Variants in SIGIRR observed in about 807,000 individuals in gnomAD.
SIGIRR encodes single Ig IL-1-related receptor.
A neutral mutation model predicts 45.6 loss-of-function variants in SIGIRR; 41 were observed. The observed-to-expected ratio is 0.90, with a 90% CI of 0.70 to 1.17. The LOEUF (loss-of-function observed/expected upper bound fraction) is 1.17, where lower values mean the gene tolerates loss of function less well. Among genes scored for constraint, SIGIRR ranks in the 50% most tolerant of loss-of-function variants. SIGIRR has a pLI of 0.00. For missense variants in SIGIRR, 599 were observed against 539.6 expected (o/e 1.11, Z -1.09); for synonymous variants, 298 against 239.0 (o/e 1.25, Z -2.28).
At chr11:415,226 G>GTGTGTC (rs1435783949), upstream of SIGIRR, among the ~76,000 whole-genome samples, 6 of 141,968 alleles carry the variant, frequency 4.2e-5, no homozygotes, top group Admixed American at 6.8e-5. This position sits in a 1 kb window ranked among gnomAD's most constrained non-coding sequence, Gnocchi z 6.6. Flanking sequence ...GTGTGTGTGT[G>GTGTGTC]TGTGTGTGTG....
chr11:408,974 G>T, intron 2 of SIGIRR, 81 bp from the exon 3 acceptor site: 5 of 1,304,234 alleles, frequency 3.8e-6, no homozygotes, highest in Non-Finnish European at 5.5e-6. Context: ...GGTGCAGGAA[G>T]AAATAAGGCC....
intron 1 of SIGIRR, 96 bp downstream of exon 1, chr11:414,727 C>T (rs1425587366): frequency 8.9e-6 from 7 of 790,700 alleles, no homozygotes; most frequent in Non-Finnish European, 1.1e-5. Context: ...CTCACACACA[C>T]ATGCACACAC....
upstream of SIGIRR, among the ~76,000 whole-genome samples, chr11:416,984 G>C (rs1167249462): frequency 1.3e-5 from 2 of 152,158 alleles, no homozygotes; most frequent in Non-Finnish European, 2.9e-5. The surrounding 1 kb of genome is among the most constrained non-coding windows in gnomAD (Gnocchi z 9.1). Context: ...ATCCAGGCTT[G>C]GGCGACCGAG....
chr11:410,192 C>A (rs1402742118), intron 1 of SIGIRR, among the ~76,000 whole-genome samples, 165 bp from the exon 2 acceptor site: 1 of 152,190 alleles, frequency 6.6e-6, no homozygotes, highest in Non-Finnish European at 1.5e-5. Flanking sequence ...GCCCCTCACA[C>A]GTGGCCAGAA....
chr11:407,364 C>CTTGGG, intron 6 of SIGIRR, 61 bp downstream of exon 6: 1 of 1,313,226 alleles, frequency 7.6e-7, no homozygotes, highest in Non-Finnish European at 1.0e-6. Context: ...TGGGACGGAG[C>CTTGGG]ATGGGGCGGG....
At chr11:409,361 C>T (rs2133628892) in intron 2 of SIGIRR, 1 of 296,638 alleles carries the variant, frequency 3.4e-6, no homozygotes, top group East Asian at 8.2e-5. Context: ...CCCAGTGTGC[C>T]AGCACCTTCC....
rs1847389742 is a variant in SIGIRR, at chr11:407,417, C to G, written c.625+8G>C. 2 of 1,538,636 alleles carry G rather than the reference C, an allele frequency of 1.3e-6. No homozygotes were observed. The highest frequency in any genetic ancestry group is 1.8e-6 in the Non-Finnish European group (2 of 1,142,260). Reference sequence around the variant, plus strand: ...GGTGGGCGGGGCACGGGGTGGGGCCCGGGATACCAGCGCGCGGCAGGAGGT... The same window carrying G: ...GGTGGGCGGGGCACGGGGTGGGGCCGGGGATACCAGCGCGCGGCAGGAGGT... On this transcript the variant is annotated splice_region_variant and intron_variant, in intron 6 of 9. Transcript: ENST00000431843.
intron 1 of SIGIRR, 36 bp from the exon 2 acceptor site, chr11:410,063 C>A: frequency 8.1e-7 from 1 of 1,238,038 alleles, no homozygotes; most frequent in Non-Finnish European, 1.0e-6. Flanking sequence ...TAAACAGGAA[C>A]AGGATGAGTT....
intron 1 of SIGIRR, among the ~76,000 whole-genome samples, chr11:413,089 G>T (rs1322071083): frequency 1.3e-5 from 2 of 152,138 alleles, no homozygotes; most frequent in Non-Finnish European, 2.9e-5. Flanking sequence ...TCCCCTCCCT[G>T]CTGCAGGGAC....
upstream of SIGIRR, among the ~76,000 whole-genome samples, chr11:416,993 A>T (rs1847904344): frequency 1.3e-5 from 2 of 152,022 alleles, no homozygotes; most frequent in South Asian, 4.1e-4. This position sits in a 1 kb window ranked among gnomAD's most constrained non-coding sequence, Gnocchi z 9.1. Flanking sequence ...TGGGCGACCG[A>T]GGTGGGATCC....
At chr11:412,677 A>G (rs552918162) in intron 1 of SIGIRR, among the ~76,000 whole-genome samples, 2 of 3,358 alleles carry the variant, frequency 6.0e-4, no homozygotes, top group Admixed American at 5.6e-3. Context: ...ATGTCTGGAT[A>G]CAGTCGGGGG....
intron 5 of SIGIRR, 120 bp downstream of exon 5, chr11:407,697 C>A (rs1435307469): frequency 6.4e-7 from 1 of 1,560,786 alleles, no homozygotes; most frequent in Non-Finnish European, 8.7e-7. Flanking sequence ...CCCAGCCGGG[C>A]CGCACAGAGC....
At chr11:410,786 G>A (rs1294316839) in intron 1 of SIGIRR, among the ~76,000 whole-genome samples, 1 of 67,724 alleles carries the variant, frequency 1.5e-5, no homozygotes, top group Non-Finnish European at 3.1e-5. Flanking sequence ...CAGTCGGGGG[G>A]GGGTGCCCAG....
chr11:405,765 C>A lies in SIGIRR; in HGVS notation c.*131G>T. On this transcript the variant is annotated 3_prime_UTR_variant, in exon 10 of 10. Transcript: ENST00000431843. ...CTGGCACTGGGAGGCGCCCTGAGGC[C>A]ACAGCCTTTTCCCAGGGCTGCTGGC... 1 of 1,182,148 alleles carries A rather than the reference C, an allele frequency of 8.5e-7. No homozygotes were observed. The highest frequency in any genetic ancestry group is 1.2e-6 in the Non-Finnish European group (1 of 859,834). The allele number at this position is 1,182,148 out of a possible 1,614,324, so 73.2% of individuals were successfully genotyped here. A position where few individuals can be genotyped will look rare whatever the true frequency, so the allele number is the denominator to read the frequency against.
chr11:407,733 G>T, intron 5 of SIGIRR, 84 bp downstream of exon 5: 1 of 1,586,586 alleles, frequency 6.3e-7, no homozygotes, highest in East Asian at 2.2e-5. Flanking sequence ...CCTCCCCGCC[G>T]CACGCCTCCA....
intron 6 of SIGIRR, 42 bp from the exon 7 acceptor site, chr11:407,206 G>GGGAGGGCGGGGCCGGA: frequency 1.1e-6 from 1 of 924,452 alleles, no homozygotes; most frequent in South Asian, 2.1e-5. Flanking sequence ...GCGGGGGCGG[G>GGGAGGGCGGGGCCGGA]GGAGGGCGGG....
chr11:412,905 T>A (rs1283257466), intron 1 of SIGIRR, among the ~76,000 whole-genome samples: 1 of 152,104 alleles, frequency 6.6e-6, no homozygotes, highest in African/African-American at 2.4e-5. Flanking sequence ...TCCCATGTCC[T>A]TTCCCAGCCC....
At chr11:406,177 C>T (rs926982530) in intron 9 of SIGIRR, 118 bp from the exon 10 acceptor site, 2 of 1,537,580 alleles carry the variant, frequency 1.3e-6, no homozygotes, top group East Asian at 2.4e-5. Context: ...CCAGGAAGTT[C>T]CCAGGCAGAC....
Position 405,854 on chromosome 11 carries a change from T to TGGCCCCCGCTGTCCC in SIGIRR, c.*27_*41dup, listed in dbSNP as rs764723416. 2.5e-5 allele frequency: 39 copies of TGGCCCCCGCTGTCCC among 1,548,210 alleles called. No homozygotes were observed. The highest frequency in any genetic ancestry group is 5.5e-5 in the African/African-American group (4 of 73,300). On this transcript the variant is annotated 3_prime_UTR_variant, in exon 10 of 10. Transcript: ENST00000431843. ...GAGCAGAGGAGCGACGCCGCTGCCC[T>TGGCCCCCGCTGTCCC]GGCCCCCGCTGTCCCTATGATCCTG...
Sources: gnomAD v4.1 joint callset for allele counts (sites outside exome capture counted in the v4.1 genomes callset) on GRCh38, gnomAD v4.1.1 for gene constraint, Gnocchi (gnomAD v3.1) non-coding constraint, MANE v1.5 for transcripts, NCBI Gene and HGNC (gene_info 2026-07-23, HGNC 2026-07-21) for gene names.